DNAH3: variants seen among roughly 807,000 people sequenced by gnomAD.
DNAH3 encodes the protein dynein axonemal heavy chain 3.
Under a neutral mutation model 432.5 loss-of-function variants are expected in DNAH3, and 332 were observed. The ratio of observed to expected loss-of-function variants is 0.77; its 90% confidence interval spans 0.70 to 0.84. The LOEUF is 0.84. Among genes scored for constraint, DNAH3 ranks in the 40% least tolerant of loss-of-function variants. The pLI is 0.00. For synonymous variants in DNAH3, 1,956 were observed against 1,900.2 expected (o/e 1.03, Z -0.76); for missense variants, 4,861 against 5,114.0 (o/e 0.95, Z 1.51).
intron 20 of DNAH3, among the ~76,000 whole-genome samples, chr16:21,075,914 CA>C (rs34186982): frequency 0.24 from 12,697 of 52,164 alleles, 372 homozygotes; most frequent in East Asian, 0.38. Flanking sequence ...AACCCTGTCT[CA>C]AAAAAAAAAA....
chr16:21,159,255 G>C lies in DNAH3; in HGVS notation c.117+70C>G, dbSNP rs1373552473. ...TCTTTACCCCCAAATTAATAACTAA[G>C]TACTCGACTCCCCTCTGAGTTCCCA... On this transcript the variant is annotated intron_variant, in intron 1 of 61. Transcript: ENST00000261383. The C allele has an allele frequency of 2.3e-6, 3 of 1,324,806 alleles. No individual in the cohort carries two copies. The African/African-American group carries it at 4.3e-5, about 19-fold the overall frequency. 82.1% of individuals were successfully genotyped at this position (1,324,806 alleles called of 1,614,324 possible).
chr16:21,029,434 T>C (rs767596893), intron 37 of DNAH3, among the ~76,000 whole-genome samples: 6 of 152,238 alleles, frequency 3.9e-5, no homozygotes, highest in Non-Finnish European at 7.3e-5. Context: ...ACTTGCTATA[T>C]GCCAGGCACC....
chr16:20,939,783 C>T (rs2083736256), intron 59 of DNAH3, among the ~76,000 whole-genome samples: 1 of 152,110 alleles, frequency 6.6e-6, no homozygotes, highest in Non-Finnish European at 1.5e-5. Context: ...GCAGCAAGAC[C>T]TTGGTCTTGG....
At chr16:21,010,472 G>A (rs1229572242) in intron 41 of DNAH3, among the ~76,000 whole-genome samples, 1 of 152,172 alleles carries the variant, frequency 6.6e-6, no homozygotes, top group Non-Finnish European at 1.5e-5. Context: ...CGGGACAAAT[G>A]GATCCCTGGG....
At chr16:20,978,424 G>A (rs1324210482) in intron 50 of DNAH3, among the ~76,000 whole-genome samples, 3 of 152,172 alleles carry the variant, frequency 2.0e-5, no homozygotes, top group Non-Finnish European at 4.4e-5. Context: ...AGCTATTTGG[G>A]ATGCTGAGAC....
chr16:21,157,180 C>T (rs1301334704), intron 1 of DNAH3, among the ~76,000 whole-genome samples: 1 of 152,086 alleles, frequency 6.6e-6, no homozygotes, highest in Non-Finnish European at 1.5e-5. Flanking sequence ...CAGCAGGATT[C>T]TGTGGTTTAT....
chr16:21,006,959 G>A (rs979994225), intron 41 of DNAH3, among the ~76,000 whole-genome samples: 1 of 152,114 alleles, frequency 6.6e-6, no homozygotes, highest in African/African-American at 2.4e-5. Flanking sequence ...AATTAAATTG[G>A]ATTGTGTTTA....
At position 21,154,131 on chromosome 16, in the gene DNAH3, C is replaced by T. The variant is rs564849346; in HGVS notation, c.117+5194G>A. Among the ~76,000 whole-genome samples the T allele has an allele frequency of 5.2e-4, 79 of 152,334 alleles. 1 individual carries two copies. Among genetic ancestry groups the T allele is most frequent in the African/African-American group, 1.8e-3 (74 of 41,570 alleles). ...TGAAAAATTAGAATGGGGCCAGGCG[C>T]GGTGGCCCATGCCTATAATCCCAGC... On this transcript the variant is annotated intron_variant, in intron 1 of 61. Coordinates refer to ENST00000261383, the Ensembl canonical transcript of DNAH3.
intron 55 of DNAH3, among the ~76,000 whole-genome samples, chr16:20,954,261 A>T (rs1041706894): frequency 4.1e-5 from 6 of 145,638 alleles, no homozygotes; most frequent in Non-Finnish European, 9.0e-5. Context: ...AATATATAAC[A>T]TTTTGCTTAT....
At position 21,097,508 on chromosome 16, in the gene DNAH3, C is replaced by T. The variant is rs1397896391; in HGVS notation, c.2521-9G>A. The T allele has an allele frequency of 6.2e-7, 1 of 1,612,340 alleles. No homozygotes were observed. Among genetic ancestry groups the T allele is most frequent in the South Asian group, 1.1e-5 (1 of 91,074 alleles). Reference sequence around the variant, plus strand: ...TCCTCCTTATTGATCAACTGCAGGGCAAAAGGAGATGCTGTTTATGGGATG... The same window carrying T: ...TCCTCCTTATTGATCAACTGCAGGGTAAAAGGAGATGCTGTTTATGGGATG... On this transcript the variant is annotated splice_polypyrimidine_tract_variant and intron_variant, in intron 17 of 61. Transcript: ENST00000261383.
At chr16:21,095,575 A>G (rs552507193) in intron 18 of DNAH3, among the ~76,000 whole-genome samples, 1 of 152,342 alleles carries the variant, frequency 6.6e-6, no homozygotes, top group East Asian at 1.9e-4. Flanking sequence ...AGACAGTCCA[A>G]AGAAATTTAT....
intron 35 of DNAH3, among the ~76,000 whole-genome samples, chr16:21,035,480 A>G (rs908983699): frequency 5.3e-5 from 8 of 152,198 alleles, no homozygotes; most frequent in African/African-American, 1.9e-4. Context: ...ACTAAGCTAC[A>G]TGAAAGTTCA....
chr16:20,989,118 T>A (rs1299737058), intron 44 of DNAH3, among the ~76,000 whole-genome samples: 1 of 152,196 alleles, frequency 6.6e-6, no homozygotes, highest in Admixed American at 6.5e-5. Flanking sequence ...GGGTTACCAC[T>A]GCTGGCTCGG....
At chr16:21,154,953 T>TC (rs1413772477) in intron 1 of DNAH3, among the ~76,000 whole-genome samples, 1 of 146,768 alleles carries the variant, frequency 6.8e-6, no homozygotes, top group East Asian at 2.0e-4. Flanking sequence ...CTTTCTTTCT[T>TC]TTTTTTTTTT....
chr16:21,111,847 CCT>C, intron 13 of DNAH3, 43 bp from the exon 14 acceptor site: 1 of 1,600,438 alleles, frequency 6.2e-7, no homozygotes, highest in Non-Finnish European at 8.5e-7. Context: ...TGCCCTTGAG[CCT>C]CTCCCACTTG....
intron 14 of DNAH3, among the ~76,000 whole-genome samples, chr16:21,108,740 C>G (rs1297628334): frequency 6.6e-6 from 1 of 151,924 alleles, no homozygotes; most frequent in East Asian, 1.9e-4. Context: ...AAGACCCTGT[C>G]TCAATTTTTT....
chr16:20,971,711 CCAA>C (rs1377016917), intron 51 of DNAH3, among the ~76,000 whole-genome samples: 1 of 152,154 alleles, frequency 6.6e-6, no homozygotes, highest in Non-Finnish European at 1.5e-5. Flanking sequence ...CCCTCCTGCT[CCAA>C]CAAGTCGCTG....
In DNAH3 at chr16:20,999,899, C is replaced by T. The variant is rs570475004; in HGVS notation, c.6421+325G>A. Among the ~76,000 whole-genome samples, 10 of 151,814 alleles carry T rather than the reference C, an allele frequency of 6.6e-5. No homozygotes were observed. The South Asian group carries it at 1.0e-3, about 16-fold the overall frequency. On this transcript the variant is annotated intron_variant, in intron 43 of 61. Coordinates refer to ENST00000261383, the Ensembl canonical transcript of DNAH3. ...TGTGTGTTGCTTTTGGAAATGCCAG[C>T]GGGCAAACAGCACAGCCCCCTTCTG...
At chr16:21,152,549 C>A (rs1411944407) in intron 1 of DNAH3, among the ~76,000 whole-genome samples, 1 of 152,270 alleles carries the variant, frequency 6.6e-6, no homozygotes, top group Non-Finnish European at 1.5e-5. Context: ...CCTTTCTGGG[C>A]TGGGCAAGGC....
Sources: gnomAD v4.1 joint callset for allele counts (sites outside exome capture counted in the v4.1 genomes callset) on GRCh38, gnomAD v4.1.1 for gene constraint, MANE v1.5 for transcripts, NCBI Gene and HGNC (gene_info 2026-07-23, HGNC 2026-07-21) for gene names.